CALN1: variants seen among roughly 807,000 people sequenced by gnomAD.
CALN1 encodes calneuron 1.
Under a neutral mutation model 30.6 loss-of-function variants are expected in CALN1, and 17 were observed. That is an observed-to-expected ratio of 0.56 (90% confidence interval 0.38 to 0.83). The LOEUF is 0.83. Ranked by LOEUF, CALN1 falls within the 40% of genes least tolerant of loss-of-function variation. CALN1 has a pLI of 0.00. For missense variants in CALN1, 291 were observed against 354.9 expected (o/e 0.82, Z 1.45); for synonymous variants, 156 against 131.4 (o/e 1.19, Z -1.28).
At chr7:72,223,983 C>T (rs2129550031) in intron 3 of CALN1, among the ~76,000 whole-genome samples, 1 of 152,220 alleles carries the variant, frequency 6.6e-6, no homozygotes, top group Non-Finnish European at 1.5e-5. Flanking sequence ...GAACAACAGA[C>T]AGTGGGGACT....
chr7:71,801,122 G>A (rs1310261119), intron 6 of CALN1, among the ~76,000 whole-genome samples: 1 of 152,096 alleles, frequency 6.6e-6, no homozygotes, highest in Non-Finnish European at 1.5e-5. Flanking sequence ...CTTCATCCAT[G>A]CCCCTGCAAA....
rs112299094 is a variant in CALN1 at position 72,434,651 on chromosome 7, G to C, written c.-226+12391C>G. 5.3e-4 allele frequency among the ~76,000 whole-genome samples: 81 copies of C among 152,292 alleles called. 1 individual carries two copies. The East Asian group carries it at 0.015, about 28-fold the overall frequency. Reference sequence around the variant, plus strand: ...TTAGTTACTGGAAAGATCTTTCCAGGGGGAGAGGCAGCAAGGTAAGCTCTC... The same window carrying C: ...TTAGTTACTGGAAAGATCTTTCCAGCGGGAGAGGCAGCAAGGTAAGCTCTC... On this transcript the variant is annotated intron_variant, in intron 1 of 6. Transcript: ENST00000395276.
At chr7:72,287,102 T>C (rs1798131986) in intron 2 of CALN1, among the ~76,000 whole-genome samples, 1 of 152,180 alleles carries the variant, frequency 6.6e-6, no homozygotes, top group Admixed American at 6.5e-5. Context: ...TACCACATAA[T>C]GCACCCATGT....
chr7:72,027,085 A>G (rs1801110782), intron 4 of CALN1, among the ~76,000 whole-genome samples: 1 of 152,220 alleles, frequency 6.6e-6, no homozygotes, highest in African/African-American at 2.4e-5. Flanking sequence ...AAATAACATT[A>G]GCCAATGTTA....
intron 5 of CALN1, among the ~76,000 whole-genome samples, chr7:72,009,685 T>C (rs844732): frequency 0.26 from 40,236 of 152,016 alleles, 7,733 homozygotes; most frequent in East Asian, 0.56. Context: ...TAGGGGTGGT[T>C]TCCCCCATAC....
At chr7:72,149,084 C>A (rs909532622) in intron 3 of CALN1, among the ~76,000 whole-genome samples, 1 of 152,136 alleles carries the variant, frequency 6.6e-6, no homozygotes, top group Non-Finnish European at 1.5e-5. Flanking sequence ...TCACCTTCTG[C>A]CATAAGTATA....
chr7:72,105,908 G>C (rs373024341), intron 4 of CALN1, among the ~76,000 whole-genome samples: 1 of 151,258 alleles, frequency 6.6e-6, no homozygotes, highest in Non-Finnish European at 1.5e-5. Flanking sequence ...ACAAGATGCT[G>C]TAACTGTTCC....
intron 5 of CALN1, among the ~76,000 whole-genome samples, chr7:71,843,261 T>C (rs1790040363): frequency 2.0e-5 from 3 of 152,138 alleles, no homozygotes; most frequent in South Asian, 4.1e-4. Flanking sequence ...TGGAGCACCA[T>C]CTTGAATTCA....
intron 3 of CALN1, among the ~76,000 whole-genome samples, chr7:72,149,837 G>A (rs747855783): frequency 1.3e-5 from 2 of 152,000 alleles, no homozygotes; most frequent in Non-Finnish European, 2.9e-5. Flanking sequence ...GGACAGGCCA[G>A]GCACCGTGGC....
intron 4 of CALN1, among the ~76,000 whole-genome samples, chr7:72,100,662 C>T (rs541936513): frequency 6.6e-6 from 1 of 151,628 alleles, no homozygotes; most frequent in African/African-American, 2.4e-5. Context: ...ACTGAAAATA[C>T]AAAGAAAACT....
At chr7:72,173,135 G>C (rs1789086067) in intron 3 of CALN1, among the ~76,000 whole-genome samples, 1 of 151,804 alleles carries the variant, frequency 6.6e-6, no homozygotes, top group South Asian at 2.1e-4. Flanking sequence ...AGGTTTATAT[G>C]AAAACAATTG....
chr7:72,206,416 G>A (rs542681428), intron 3 of CALN1, among the ~76,000 whole-genome samples: 13 of 151,976 alleles, frequency 8.6e-5, no homozygotes, highest in African/African-American at 1.9e-4. Context: ...GCATAGATTC[G>A]CTGTAATATT....
At chr7:72,334,492 T>G (rs1801878886) in intron 2 of CALN1, among the ~76,000 whole-genome samples, 1 of 152,118 alleles carries the variant, frequency 6.6e-6, no homozygotes. Flanking sequence ...AACTCAACAA[T>G]GAACAGTTGT....
intron 3 of CALN1, among the ~76,000 whole-genome samples, chr7:72,164,777 C>A (rs1370348750): frequency 1.3e-5 from 2 of 152,170 alleles, no homozygotes; most frequent in East Asian, 3.9e-4. Flanking sequence ...TCTCCTCCCA[C>A]CTCAGCCTCC....
intron 5 of CALN1, among the ~76,000 whole-genome samples, chr7:71,845,820 GAGGC>G (rs1483843228): frequency 6.6e-6 from 1 of 152,124 alleles, no homozygotes; most frequent in Non-Finnish European, 1.5e-5. Context: ...TTGGGAGGCT[GAGGC>G]AGGTGGATCA....
chr7:72,200,114 G>A lies in CALN1; in HGVS notation c.244+78572C>T, dbSNP rs189048946. ...CTATATCTCACCTTTCTTCATAAATGTTGATGCCCCGACAAATCAACTCAA... is the reference window on the plus strand; with the variant it reads ...CTATATCTCACCTTTCTTCATAAATATTGATGCCCCGACAAATCAACTCAA... On this transcript the variant is annotated intron_variant, in intron 3 of 6. Coordinates refer to ENST00000395275, the MANE Select transcript of CALN1 (RefSeq NM_031468.4). 2.2e-3 allele frequency among the ~76,000 whole-genome samples: 329 copies of A among 152,154 alleles called. 3 individuals are homozygous for A. The South Asian group carries it at 0.025, about 12-fold the overall frequency.
chr7:72,438,484 G>A (rs917956530), intron 1 of CALN1, among the ~76,000 whole-genome samples: 1 of 152,048 alleles, frequency 6.6e-6, no homozygotes, highest in Non-Finnish European at 1.5e-5. Context: ...TCATTCTATC[G>A]AGAAATAAAC....
At chr7:71,883,028 C>T (rs1200352014) in intron 5 of CALN1, among the ~76,000 whole-genome samples, 1 of 152,100 alleles carries the variant, frequency 6.6e-6, no homozygotes, top group Non-Finnish European at 1.5e-5. Context: ...TCTTACTTTA[C>T]CTTTGATAGC....
intron 3 of CALN1, among the ~76,000 whole-genome samples, chr7:72,161,527 A>C (rs1341950619): frequency 6.6e-6 from 1 of 152,252 alleles, no homozygotes; most frequent in African/African-American, 2.4e-5. Context: ...GTTTACTTAC[A>C]GCTAAATATA....
Sources: gnomAD v4.1 joint callset for allele counts (sites outside exome capture counted in the v4.1 genomes callset) on GRCh38, gnomAD v4.1.1 for gene constraint, MANE v1.5 for transcripts, NCBI Gene and HGNC (gene_info 2026-07-23, HGNC 2026-07-21) for gene names.